Variants in C11orf58 observed in about 807,000 individuals in gnomAD.
C11orf58 encodes small acidic protein.
C11orf58 carries 5 observed loss-of-function variants against 22.7 expected under a neutral mutation model. That is an observed-to-expected ratio of 0.22 (90% CI 0.12 to 0.46). The LOEUF is 0.46. Among genes scored for constraint, C11orf58 ranks in the 20% least tolerant of loss-of-function variants. The pLI, the probability that C11orf58 is intolerant of heterozygous loss-of-function variation, is 0.99. For missense variants in C11orf58, 151 were observed against 223.3 expected (o/e 0.68, Z 2.06); for synonymous variants, 71 against 70.7 (o/e 1.00, Z -0.02).
At chr11:16,743,054 C>T (rs1203035729) in intron 1 of C11orf58, among the ~76,000 whole-genome samples, 1 of 152,184 alleles carries the variant, frequency 6.6e-6, no homozygotes, top group Non-Finnish European at 1.5e-5. Context: ...AAATACAATA[C>T]TTGAGGAATT....
chr11:16,748,009 G>A, intron 2 of C11orf58, 88 bp from the exon 3 acceptor site: 1 of 967,882 alleles, frequency 1.0e-6, no homozygotes, highest in Non-Finnish European at 1.6e-6. Context: ...TGTCCCAGAA[G>A]CCTAGAATAG....
chr11:16,745,592 G>T (rs111600727), intron 2 of C11orf58, among the ~76,000 whole-genome samples: 3,453 of 152,272 alleles, frequency 0.023, 136 homozygotes, highest in African/African-American at 0.079. Context: ...TGTTGAGTGG[G>T]CTGAAAAGGA....
intron 1 of C11orf58, 84 bp from the exon 2 acceptor site, chr11:16,744,517 A>C: frequency 9.1e-7 from 1 of 1,096,680 alleles, no homozygotes; most frequent in Non-Finnish European, 1.4e-6. Context: ...AGGGGAAAAA[A>C]ACTTGAGAGT....
intron 1 of C11orf58, among the ~76,000 whole-genome samples, chr11:16,741,345 C>T (rs1848447034): frequency 6.6e-6 from 1 of 152,128 alleles, no homozygotes; most frequent in East Asian, 1.9e-4. Context: ...AAATTGATTG[C>T]AGTTCTGTAG....
intron 1 of C11orf58, among the ~76,000 whole-genome samples, chr11:16,740,729 A>T (rs1590071866): frequency 6.9e-6 from 1 of 145,002 alleles, no homozygotes; most frequent in Non-Finnish European, 1.5e-5. Context: ...GCCAGTACTT[A>T]AAAAAAAAAT....
intron 3 of C11orf58, 82 bp from the exon 4 acceptor site, chr11:16,752,703 A>C (rs1209141059): frequency 5.7e-6 from 5 of 871,148 alleles, no homozygotes; most frequent in Non-Finnish European, 8.7e-6. Context: ...ATCAGCCCTG[A>C]GTATAATAGC....
intron 1 of C11orf58, among the ~76,000 whole-genome samples, chr11:16,740,572 C>T (rs1189211646): frequency 6.6e-6 from 1 of 151,866 alleles, no homozygotes; most frequent in East Asian, 2.0e-4. Flanking sequence ...AGGTGTGCAC[C>T]ATTACACCCG....
chr11:16,743,691 A>G (rs1158887375), intron 1 of C11orf58, among the ~76,000 whole-genome samples: 1 of 152,238 alleles, frequency 6.6e-6, no homozygotes, highest in Admixed American at 6.5e-5. Context: ...AAAGATGATG[A>G]TGAAATACTT....
rs1173491303 is a variant in C11orf58, at chr11:16,758,087, T to C, written c.*2983T>C. 2.0e-5 allele frequency among the ~76,000 whole-genome samples: 3 copies of C among 152,196 alleles called. No individual in the cohort carries two copies. The East Asian group carries it at 5.8e-4, about 29-fold the overall frequency. On this transcript the variant is annotated 3_prime_UTR_variant, in exon 5 of 5. Coordinates refer to ENST00000228136, the MANE Select transcript of C11orf58 (RefSeq NM_014267.6). ...GAAAACAACTTCTAAAATCACTCAATAAAAGTATTCACTTCTAACCAACTC... is the reference window on the plus strand; with the variant it reads ...GAAAACAACTTCTAAAATCACTCAACAAAAGTATTCACTTCTAACCAACTC...
At chr11:16,744,050 T>TAAAAAAAAA (rs554214406) in intron 1 of C11orf58, among the ~76,000 whole-genome samples, 2 of 108,152 alleles carry the variant, frequency 1.8e-5, no homozygotes, top group Non-Finnish European at 2.0e-5. Flanking sequence ...CTAGAACTGC[T>TAAAAAAAAA]AAAAAAAAAA....
intron 1 of C11orf58, among the ~76,000 whole-genome samples, chr11:16,739,140 G>A (rs1217029843): frequency 1.3e-5 from 2 of 152,058 alleles, no homozygotes; most frequent in Non-Finnish European, 2.9e-5. Flanking sequence ...CGTTTTGGGG[G>A]GCCGATGAGA....
chr11:16,746,331 C>A (rs1848487061), intron 2 of C11orf58, among the ~76,000 whole-genome samples: 1 of 152,182 alleles, frequency 6.6e-6, no homozygotes, highest in Admixed American at 6.5e-5. Context: ...TCTGCAATTT[C>A]TCTTGTTTCA....
chr11:16,752,874 T>C lies in C11orf58; in HGVS notation c.298T>C (p.Cys100Arg), dbSNP rs1238180773. 13 of 1,610,232 alleles carry C rather than the reference T, an allele frequency of 8.1e-6. 1 individual carries two copies. In the South Asian group the frequency reaches 1.2e-4, roughly 15 times the overall value. ...SKLSGRYRRHCGLGFSEVEDH... is the reference protein window; with the variant it reads ...SKLSGRYRRHRGLGFSEVEDH... Reference sequence around the variant, plus strand: ...ATTATCAGGAAGATATCGGCGACATTGTGGACTTGGCTTCAGTGAGGTAGT... The same window carrying C: ...ATTATCAGGAAGATATCGGCGACATCGTGGACTTGGCTTCAGTGAGGTAGT... Residue 100 changes from cysteine to arginine, a missense_variant, in exon 4 of 5, where the codon TGT becomes CGT. This residue lies in a region of C11orf58 where 112 missense variants were observed against 162.6 expected (regional missense o/e 0.69). Coordinates refer to ENST00000228136, the MANE Select transcript of C11orf58 (RefSeq NM_014267.6).
chr11:16,751,827 G>C (rs1848535691), intron 3 of C11orf58: 1 of 152,222 alleles, frequency 6.6e-6, no homozygotes, highest in South Asian at 2.1e-4. Flanking sequence ...GAATAAGCCA[G>C]GTGAATCGAC....
In C11orf58 at chr11:16,744,592, T is replaced by C; in HGVS notation, c.64-9T>C. 1 of 1,611,784 alleles carries C rather than the reference T, an allele frequency of 6.2e-7. No individual in the cohort carries two copies. The highest frequency in any genetic ancestry group is 8.5e-7 in the Non-Finnish European group (1 of 1,179,300). ...CAAAAAAAATTTAATCAACCAATTT[T>C]TTTTCTAGCTGGGATCTAGCAATTG... On this transcript the variant is annotated splice_polypyrimidine_tract_variant and intron_variant, in intron 1 of 4. Coordinates refer to ENST00000228136, the MANE Select transcript of C11orf58 (RefSeq NM_014267.6).
chr11:16,744,296 C>T (rs1286425796), intron 1 of C11orf58: 5 of 279,434 alleles, frequency 1.8e-5, no homozygotes, highest in Non-Finnish European at 3.4e-5. Flanking sequence ...ACCCCAGACC[C>T]GCTGAATCTC....
intron 3 of C11orf58, chr11:16,752,563 ATT>A (rs752379727): frequency 4.3e-4 from 131 of 305,948 alleles, no homozygotes; most frequent in Non-Finnish European, 2.3e-4. Context: ...AAGCTAAAAC[ATT>A]TAATACCCAA....
chr11:16,744,357 A>T, intron 1 of C11orf58: 1 of 445,286 alleles, frequency 2.2e-6, no homozygotes, highest in South Asian at 2.8e-5. Context: ...GGTGACGCTG[A>T]TAGAGGCAAA....
intron 1 of C11orf58, among the ~76,000 whole-genome samples, chr11:16,740,790 GAAAA>G (rs34324472): frequency 7.5e-6 from 1 of 133,418 alleles, no homozygotes; most frequent in African/African-American, 2.9e-5. Flanking sequence ...AGCTGTTGCA[GAAAA>G]AAAAAAAAAA....
Sources: allele counts gnomAD v4.1 joint callset (sites outside exome capture counted in the v4.1 genomes callset), GRCh38; gene constraint gnomAD v4.1.1; regional missense constraint gnomAD v4.1.1; transcripts MANE v1.5; gene names NCBI Gene and HGNC (gene_info 2026-07-23, HGNC 2026-07-21).